Variants in CNTNAP5 observed in about 807,000 individuals in gnomAD.
The protein encoded by CNTNAP5 is contactin associated protein family member 5.
CNTNAP5 carries 72 observed loss-of-function variants against 150.2 expected under a neutral mutation model. The ratio of observed to expected loss-of-function variants is 0.48; its 90% CI spans 0.40 to 0.58. CNTNAP5 has a LOEUF of 0.58. Ranked by LOEUF, CNTNAP5 falls within the 20% of genes least tolerant of loss-of-function variation. The pLI is 0.00. For missense variants in CNTNAP5, 1,636 were observed against 1,626.2 expected, an observed-to-expected ratio of 1.01 and a Z score of -0.10; for synonymous variants, 672 against 619.8, an observed-to-expected ratio of 1.08 and a Z score of -1.25.
intron 14 of CNTNAP5, among the ~76,000 whole-genome samples, chr2:124,755,989 G>T (rs1680832401): frequency 6.6e-6 from 1 of 152,140 alleles, no homozygotes; most frequent in Admixed American, 6.5e-5. Context: ...AAAAGTGGGG[G>T]AATATCTATC....
At chr2:124,877,715 T>C (rs59489417) in intron 21 of CNTNAP5, among the ~76,000 whole-genome samples, 2,580 of 152,228 alleles carry the variant, frequency 0.017, 56 homozygotes, top group African/African-American at 0.054. Flanking sequence ...TTAAAGTTTT[T>C]CAAGGTTTTG....
At chr2:124,908,144 G>A (rs1277595731) in intron 22 of CNTNAP5, among the ~76,000 whole-genome samples, 1 of 151,968 alleles carries the variant, frequency 6.6e-6, no homozygotes, top group Non-Finnish European at 1.5e-5. Flanking sequence ...AGGCCAAGGA[G>A]GGCAGATCAC....
At chr2:124,599,085 T>G (rs1364792410) in intron 11 of CNTNAP5, among the ~76,000 whole-genome samples, 1 of 152,102 alleles carries the variant, frequency 6.6e-6, no homozygotes, top group Non-Finnish European at 1.5e-5. Flanking sequence ...CAGATGGAAA[T>G]GCAGAAATCA....
At chr2:124,771,183 T>A (rs183366010) in intron 16 of CNTNAP5, among the ~76,000 whole-genome samples, 6 of 152,276 alleles carry the variant, frequency 3.9e-5, no homozygotes, top group African/African-American at 1.4e-4. Flanking sequence ...ATAATTTAAA[T>A]CTGGCAGTTG....
intron 8 of CNTNAP5, among the ~76,000 whole-genome samples, chr2:124,522,817 C>A (rs1694879371): frequency 6.6e-6 from 1 of 152,216 alleles, no homozygotes. Flanking sequence ...GGAACCCTTG[C>A]TCCAAGAATT....
chr2:124,919,768 A>T lies in CNTNAP5; in HGVS notation c.*5480A>T, dbSNP rs1039835381. 2.0e-5 allele frequency among the ~76,000 whole-genome samples: 3 copies of T among 151,418 alleles called. No individual in the cohort carries two copies. Among genetic ancestry groups the T allele is most frequent in the Non-Finnish European group, 2.9e-5 (2 of 67,850 alleles). ...CACATTCTTTTTTTTCAATTTTTAA[A>T]TTTTTTTTCAGGATTTTCTCAGAGT... On this transcript the variant is annotated 3_prime_UTR_variant, in exon 24 of 24. Coordinates refer to ENST00000682447, the MANE Select transcript of CNTNAP5 (RefSeq NM_001367498.1).
intron 13 of CNTNAP5, among the ~76,000 whole-genome samples, chr2:124,665,713 C>G (rs939351988): frequency 5.3e-5 from 8 of 151,878 alleles, no homozygotes; most frequent in African/African-American, 1.9e-4. Flanking sequence ...GGTGAAACCC[C>G]GTCTCTACTA....
At chr2:124,577,159 T>C (rs1696302328) in intron 11 of CNTNAP5, among the ~76,000 whole-genome samples, 1 of 152,222 alleles carries the variant, frequency 6.6e-6, no homozygotes, top group African/African-American at 2.4e-5. Flanking sequence ...GATCCTACTA[T>C]GGACTTGCCA....
chr2:124,448,269 A>AAACAATAAT (rs1692875263), intron 6 of CNTNAP5, among the ~76,000 whole-genome samples: 1 of 144,278 alleles, frequency 6.9e-6, no homozygotes, highest in Non-Finnish European at 1.5e-5. Flanking sequence ...CTCCGTCTTA[A>AAACAATAAT]AATAATAATA....
chr2:124,404,172 G>A (rs1487250011), intron 3 of CNTNAP5, among the ~76,000 whole-genome samples: 2 of 152,186 alleles, frequency 1.3e-5, no homozygotes, highest in South Asian at 4.1e-4. Flanking sequence ...TGGTGTGTTT[G>A]GCAGAGCACC....
intron 19 of CNTNAP5, among the ~76,000 whole-genome samples, chr2:124,818,885 G>T (rs780107514): frequency 6.6e-6 from 1 of 152,066 alleles, no homozygotes; most frequent in East Asian, 1.9e-4. Flanking sequence ...CTGGCTCATC[G>T]ACCTTCTCAT....
chr2:124,514,064 G>GAT (rs769554406), intron 8 of CNTNAP5, among the ~76,000 whole-genome samples: 1 of 152,202 alleles, frequency 6.6e-6, no homozygotes, highest in Non-Finnish European at 1.5e-5. Flanking sequence ...CAAAAAAGTG[G>GAT]ATAGCCACAG....
intron 23 of CNTNAP5, 102 bp from the exon 24 acceptor site, chr2:124,913,990 G>A: frequency 1.3e-6 from 1 of 751,230 alleles, no homozygotes; most frequent in Non-Finnish European, 2.1e-6. Flanking sequence ...GTTTTGTTTT[G>A]CTTTCTCTCC....
Position 124,434,555 on chromosome 2 carries a change from C to T in CNTNAP5, c.601C>T (p.Leu201Phe), listed in dbSNP as rs765799125. The T allele has an allele frequency of 5.6e-6, 9 of 1,613,980 alleles. No homozygotes were observed. The highest frequency in any genetic ancestry group is 2.2e-5 in the East Asian group (1 of 44,876). The change falls in exon 5 of 24, where the codon CTC (leucine) becomes TTC (phenylalanine). Residue 201 changes from leucine to phenylalanine, a missense_variant. Transcript: ENST00000682447. Reference protein sequence around the residue: ...YRFNQKLMSTLKDVISLKFKS... With the variant: ...YRFNQKLMSTFKDVISLKFKS... Reference sequence around the variant, plus strand: ...GTTCAATCAGAAGTTGATGAGTACTCTCAAAGATGTGATCTCCCTGAAGTT... The same window carrying T: ...GTTCAATCAGAAGTTGATGAGTACTTTCAAAGATGTGATCTCCCTGAAGTT...
At chr2:124,068,418 C>T (rs1353703889) in intron 1 of CNTNAP5, among the ~76,000 whole-genome samples, 1 of 152,134 alleles carries the variant, frequency 6.6e-6, no homozygotes, top group Non-Finnish European at 1.5e-5. Flanking sequence ...CCAGGCCTAG[C>T]CAGAGGAGAA....
intron 1 of CNTNAP5, among the ~76,000 whole-genome samples, chr2:124,202,294 T>C (rs532006176): frequency 2.3e-4 from 35 of 152,188 alleles, no homozygotes; most frequent in Non-Finnish European, 4.4e-4. Flanking sequence ...AAAATTTCTG[T>C]TAGAACTACA....
At chr2:124,674,676 T>G (rs908849797) in intron 13 of CNTNAP5, among the ~76,000 whole-genome samples, 1 of 151,704 alleles carries the variant, frequency 6.6e-6, no homozygotes, top group African/African-American at 2.4e-5. Context: ...AGTTTGGGTA[T>G]GTTCTGCTTT....
chr2:124,761,162 C>T (rs1214181015), intron 14 of CNTNAP5, among the ~76,000 whole-genome samples: 1 of 152,080 alleles, frequency 6.6e-6, no homozygotes, highest in Non-Finnish European at 1.5e-5. Context: ...CAATAGGTAC[C>T]ACCATCATTT....
chr2:124,131,453 A>T (rs1331263406), intron 1 of CNTNAP5, among the ~76,000 whole-genome samples: 1 of 152,210 alleles, frequency 6.6e-6, no homozygotes. Context: ...AAGTAAATTG[A>T]CCACATTAGT....
Sources: allele counts gnomAD v4.1 joint callset (sites outside exome capture counted in the v4.1 genomes callset), GRCh38; gene constraint gnomAD v4.1.1; transcripts MANE v1.5; gene names NCBI Gene and HGNC (gene_info 2026-07-23, HGNC 2026-07-21).